MED25: variants seen among roughly 807,000 people sequenced by gnomAD.
The protein encoded by MED25 is mediator of RNA polymerase II transcription subunit 25.
A neutral mutation model predicts 89.4 loss-of-function variants in MED25; 62 were observed. That is an observed-to-expected ratio of 0.69 (90% CI 0.57 to 0.86). The LOEUF (loss-of-function observed/expected upper bound fraction) is 0.86. MED25 is among the 40% of genes least tolerant of loss of function. MED25 has a pLI of 0.00. For synonymous variants in MED25, 449 were observed against 427.9 expected (o/e 1.05, Z -0.61); for missense variants, 905 against 1,005.2 (o/e 0.90, Z 1.35).
Position 49,819,023 on chromosome 19 carries a change from G to A in MED25, c.181-149G>A, listed in dbSNP as rs975898137. 50 of 1,001,616 alleles carry A rather than the reference G, an allele frequency of 5.0e-5. No individual in the cohort carries two copies. In the South Asian group the frequency reaches 6.9e-4, roughly 14 times the overall value. 62.0% of individuals were successfully genotyped at this position (1,001,616 alleles called of 1,614,324 possible). On this transcript the variant is annotated intron_variant, in intron 2 of 17. Transcript: ENST00000312865. ...GATTCCTGGGTCTGAGGGAGAAGGGGCTGGGGCCGAGATTGCTGGGTCTGA... is the reference window on the plus strand; with the variant it reads ...GATTCCTGGGTCTGAGGGAGAAGGGACTGGGGCCGAGATTGCTGGGTCTGA...
Position 49,831,917 on chromosome 19 carries a change from G to A in MED25, c.1231-19G>A. ...GGCTTATGGCCCTTTTTACTGACAT[G>A]CTCTTTTTTCCCCCTCAGAAACCCA... On this transcript the variant is annotated intron_variant, in intron 10 of 17. Transcript: ENST00000312865. The surrounding 1 kb of genome is among the most constrained non-coding windows in gnomAD (Gnocchi z 5.0). The A allele has an allele frequency of 6.2e-7, 1 of 1,611,562 alleles. No homozygotes were observed. Among genetic ancestry groups the A allele is most frequent in the African/African-American group, 1.3e-5 (1 of 74,942 alleles).
At chr19:49,827,708 A>G (rs1344501832) in intron 3 of MED25, among the ~76,000 whole-genome samples, 1 of 152,138 alleles carries the variant, frequency 6.6e-6, no homozygotes, top group African/African-American at 2.4e-5. Flanking sequence ...GTCTTTTTGA[A>G]GGGGGCACAC....
At chr19:49,823,643 G>A (rs2073997925) in intron 3 of MED25, among the ~76,000 whole-genome samples, 1 of 152,262 alleles carries the variant, frequency 6.6e-6, no homozygotes, top group Admixed American at 6.5e-5. Flanking sequence ...CGTTACCTCT[G>A]TATGCTTCTG....
rs2074062261 is a variant in MED25 at position 49,832,127 on chromosome 19, G to A, written c.1344G>A (p.Leu448=). 6.2e-7 allele frequency: 1 copy of A among 1,613,040 alleles called. No individual in the cohort carries two copies. The highest frequency in any genetic ancestry group is 1.1e-5 in the South Asian group (1 of 91,034). The change falls in exon 12 of 18, where the codon CTG becomes CTA. Residue 448 remains leucine (L), a synonymous_variant. Coordinates refer to ENST00000312865, the MANE Select transcript of MED25 (RefSeq NM_030973.4). The part of the protein sequence containing the change: ...NLKTEQWPQK[L]IMQLIPQQLL... ...AGACGGAGCAGTGGCCCCAGAAGCT[G>A]ATCATGCAGCTCATCCCCCAGCAGC...
Position 49,830,764 on chromosome 19 carries a change from C to T in MED25, c.978C>T (p.Pro326=). 1.2e-6 allele frequency: 2 copies of T among 1,613,356 alleles called. No homozygotes were observed. The highest frequency in any genetic ancestry group is 1.7e-6 in the Non-Finnish European group (2 of 1,179,570). ...VGPPFSQAPA[P]QLPPGPPGAP... ...CCCCCTTCAGCCAGGCCCCAGCTCC[C>T]CAACTACCCCCAGGACCCCCTGGCG... is the stretch of plus-strand genomic sequence containing the variant. The change falls in exon 9 of 18, where the codon CCC becomes CCT. Residue 326 remains proline (P), a synonymous_variant. Transcript: ENST00000312865. The surrounding 1 kb of genome is among the most constrained non-coding windows in gnomAD (Gnocchi z 4.6).
chr19:49,826,767 C>T (rs1041801851), intron 3 of MED25, among the ~76,000 whole-genome samples: 7 of 152,196 alleles, frequency 4.6e-5, no homozygotes, highest in African/African-American at 1.7e-4. Flanking sequence ...CGTAGTTTAG[C>T]TGGATTCCAT....
At chr19:49,840,159 C>G (rs967573871), downstream of MED25, 8 of 151,914 alleles carry the variant, frequency 5.3e-5, no homozygotes, top group Non-Finnish European at 8.8e-5. Flanking sequence ...CCACCCGAGG[C>G]CTGACACTGA....
Position 49,830,276 on chromosome 19 carries a change from T to G in MED25, c.819+58T>G. On this transcript the variant is annotated intron_variant, in intron 7 of 17. Transcript: ENST00000312865. The surrounding 1 kb of genome is among the most constrained non-coding windows in gnomAD (Gnocchi z 4.6). ...GGGGACTTGCTGGAGCCCTGGCCCC[T>G]GGGGAGAAATCTAGTTGCATGTTGG... is the stretch of plus-strand genomic sequence containing the variant. The G allele has an allele frequency of 6.4e-7, 1 of 1,558,692 alleles. No individual in the cohort carries two copies. The highest frequency in any genetic ancestry group is 8.8e-7 in the Non-Finnish European group (1 of 1,141,066).
chr19:49,834,865 C>T lies in MED25; in HGVS notation c.1483-121C>T. The T allele has an allele frequency of 9.7e-7, 1 of 1,031,380 alleles. No homozygotes were observed. The highest frequency in any genetic ancestry group is 2.4e-5 in the East Asian group (1 of 41,962). 63.9% of individuals were successfully genotyped at this position (1,031,380 alleles called of 1,614,324 possible). On this transcript the variant is annotated intron_variant, in intron 13 of 17. Coordinates refer to ENST00000312865, the MANE Select transcript of MED25 (RefSeq NM_030973.4). The surrounding 1 kb of genome is among the most constrained non-coding windows in gnomAD (Gnocchi z 4.1). Reference sequence around the variant, plus strand: ...TAGCACACCTGTTCTCCTTAACCTTCTATAGCAGAAACCTCACCTCACCTT... The same window carrying T: ...TAGCACACCTGTTCTCCTTAACCTTTTATAGCAGAAACCTCACCTCACCTT...
At chr19:49,823,308 T>C (rs894766311) in intron 3 of MED25, among the ~76,000 whole-genome samples, 1 of 152,182 alleles carries the variant, frequency 6.6e-6, no homozygotes, top group Non-Finnish European at 1.5e-5. Context: ...CCTATCCCGT[T>C]CAGTGTAGGA....
chr19:49,825,866 C>T (rs2074012077), intron 3 of MED25, among the ~76,000 whole-genome samples: 1 of 151,946 alleles, frequency 6.6e-6, no homozygotes, highest in Non-Finnish European at 1.5e-5. Context: ...AGAGGACACC[C>T]CATATGCATG....
rs1253951246 is a variant in MED25 at position 49,835,566 on chromosome 19, G to A, written c.1707G>A (p.Gly569=). ...MGGQQAPPGL[G]PILEDQARPS... The stretch of plus-strand genomic sequence containing the variant: ...GACAGCAGGCACCCCCAGGGCTGGG[G>A]CCCATTCTGGAGGACCAAGCCAGGC... Residue 569 remains glycine (G), a synonymous_variant, in exon 15 of 18, where the codon GGG becomes GGA. Coordinates refer to ENST00000312865, the MANE Select transcript of MED25 (RefSeq NM_030973.4). This position sits in a 1 kb window ranked among gnomAD's most constrained non-coding sequence, Gnocchi z 6.2. 1 of 1,567,546 alleles carries A rather than the reference G, an allele frequency of 6.4e-7. No homozygotes were observed. The highest frequency in any genetic ancestry group is 2.4e-5 in the East Asian group (1 of 42,296).
intron 3 of MED25, 78 bp downstream of exon 3, chr19:49,819,374 T>A: frequency 2.1e-6 from 1 of 484,192 alleles, no homozygotes; most frequent in Non-Finnish European, 2.6e-6. Context: ...GGGTGGTTGG[T>A]GTCCCCGTGA....
Position 49,834,734 on chromosome 19 carries a change from G to T in MED25, c.1483-252G>T. 1.8e-6 allele frequency: 1 copy of T among 560,444 alleles called. No individual in the cohort carries two copies. Among genetic ancestry groups the T allele is most frequent in the Non-Finnish European group, 3.2e-6 (1 of 311,688 alleles). The allele number at this position is 560,444 out of a possible 1,614,324, so 34.7% of individuals were successfully genotyped here. A position where few individuals can be genotyped will look rare whatever the true frequency, so the allele number is the denominator to read the frequency against. On this transcript the variant is annotated intron_variant, in intron 13 of 17. Transcript: ENST00000312865. This position sits in a 1 kb window ranked among gnomAD's most constrained non-coding sequence, Gnocchi z 4.1. Reference sequence around the variant, plus strand: ...CATGAGGAGCAGGTGGTGGCTGAAGGTTGAAGAGCTGGGCTCCAGCACTTT... The same window carrying T: ...CATGAGGAGCAGGTGGTGGCTGAAGTTTGAAGAGCTGGGCTCCAGCACTTT...
intron 2 of MED25, chr19:49,818,866 A>G: frequency 1.7e-6 from 1 of 573,514 alleles, no homozygotes; most frequent in Non-Finnish European, 3.1e-6. Flanking sequence ...CCTGGGTCTG[A>G]GGGAGGAAGG....
intron 12 of MED25, 30 bp downstream of exon 12, chr19:49,832,187 G>A (rs2123882604): frequency 6.2e-7 from 1 of 1,609,082 alleles, no homozygotes; most frequent in Non-Finnish European, 8.5e-7. Flanking sequence ...CAGCCCTGCT[G>A]CCGGGCAGTC....
rs1356554459 is a variant in MED25, at chr19:49,818,293, C to A, written c.-49C>A. The A allele has an allele frequency of 5.8e-6, 9 of 1,546,648 alleles. No individual in the cohort carries two copies. In the East Asian group the frequency reaches 7.3e-5, roughly 12 times the overall value. ...GGCGCAGGCGCATTTCTGCTCATTC[C>A]GCGGCGTCGGCTGCGGCTGCAGTGG... On this transcript the variant is annotated 5_prime_UTR_variant, in exon 1 of 18. Coordinates refer to ENST00000312865, the MANE Select transcript of MED25 (RefSeq NM_030973.4).
chr19:49,834,748 C>T lies in MED25; in HGVS notation c.1483-238C>T. On this transcript the variant is annotated intron_variant, in intron 13 of 17. Transcript: ENST00000312865. The surrounding 1 kb of genome is among the most constrained non-coding windows in gnomAD (Gnocchi z 4.1). ...GGTGGCTGAAGGTTGAAGAGCTGGG[C>T]TCCAGCACTTTCTCTCCGCTTTCCC... is the stretch of plus-strand genomic sequence containing the variant. 1.7e-6 allele frequency: 1 copy of T among 576,872 alleles called. No individual in the cohort carries two copies. Among genetic ancestry groups the T allele is most frequent in the Non-Finnish European group, 3.1e-6 (1 of 322,294 alleles). The allele number at this position is 576,872 out of a possible 1,614,324, so 35.7% of individuals were successfully genotyped here.
intron 3 of MED25, among the ~76,000 whole-genome samples, chr19:49,827,810 A>G (rs559474217): frequency 9.2e-5 from 14 of 152,186 alleles, no homozygotes; most frequent in Non-Finnish European, 1.2e-4. Flanking sequence ...CAGACAGCCC[A>G]GAGAGGGGAG....
Sources: allele counts gnomAD v4.1 joint callset (sites outside exome capture counted in the v4.1 genomes callset), GRCh38; gene constraint gnomAD v4.1.1; non-coding constraint Gnocchi (gnomAD v3.1); transcripts MANE v1.5; gene names NCBI Gene and HGNC (gene_info 2026-07-23, HGNC 2026-07-21).